LSM14A: variants seen among roughly 807,000 people sequenced by gnomAD.
LSM14A encodes protein LSM14 homolog A.
In LSM14A, 14 loss-of-function variants were observed where a neutral mutation model predicts 52.4. The ratio of observed to expected loss-of-function variants is 0.27; its 90% CI spans 0.18 to 0.42. LSM14A has a LOEUF of 0.42. Ranked by LOEUF, LSM14A falls within the 10% of genes least tolerant of loss-of-function variation. The pLI is 1.00. For missense variants in LSM14A, 417 were observed against 581.8 expected (o/e 0.72, Z 2.91); for synonymous variants, 185 against 200.3 (o/e 0.92, Z 0.64).
In LSM14A at chr19:34,187,277, GA is replaced by G. The variant is rs1181595654; in HGVS notation, c.122-7198del. On this transcript the variant is annotated intron_variant, in intron 1 of 9. Coordinates refer to ENST00000544216, the MANE Select transcript of LSM14A (RefSeq NM_015578.4). ...AAAAAAAAAAAAGTTCAGGCTTTGG[GA>G]AATTTTTTTTTTTTTCTTTTGAGAC... Among the ~76,000 whole-genome samples the G allele has an allele frequency of 2.0e-5, 3 of 151,590 alleles. No homozygotes were observed. The South Asian group carries it at 6.3e-4, about 32-fold the overall frequency.
chr19:34,215,739 T>C (rs1353435200), intron 6 of LSM14A, 78 bp downstream of exon 6: 6 of 1,046,018 alleles, frequency 5.7e-6, no homozygotes, highest in Non-Finnish European at 8.6e-6. Flanking sequence ...ACATAATTAC[T>C]ATAAAAAAAT....
chr19:34,218,032 C>G (rs2072789108), intron 6 of LSM14A, among the ~76,000 whole-genome samples: 1 of 137,354 alleles, frequency 7.3e-6, no homozygotes, highest in South Asian at 2.5e-4. Context: ...GAGATAGAAT[C>G]TCGCTCTGTC....
chr19:34,180,309 T>G (rs2069388629), intron 1 of LSM14A, among the ~76,000 whole-genome samples: 1 of 152,132 alleles, frequency 6.6e-6, no homozygotes, highest in Admixed American at 6.6e-5. Context: ...GGGTTTTTTG[T>G]TTGTTTGTTT....
chr19:34,216,029 A>G (rs865851263), intron 6 of LSM14A, among the ~76,000 whole-genome samples: 11 of 152,180 alleles, frequency 7.2e-5, no homozygotes, highest in African/African-American at 2.7e-4. Context: ...GAGTTTGGGA[A>G]GTTGGGTGAT....
rs573990319 is a variant in LSM14A at position 34,197,600 on chromosome 19, A to G, written c.415+837A>G. ...ATTACAGGTGTGCGCCACCACTCCCAGCCAATTTTTTTGTATTTTTAGTAG... is the reference window on the plus strand; with the variant it reads ...ATTACAGGTGTGCGCCACCACTCCCGGCCAATTTTTTTGTATTTTTAGTAG... On this transcript the variant is annotated intron_variant, in intron 3 of 9. Transcript: ENST00000544216. Among the ~76,000 whole-genome samples the G allele has an allele frequency of 2.1e-4, 32 of 150,316 alleles. 1 individual carries two copies. The highest frequency in any genetic ancestry group is 4.0e-4 in the Non-Finnish European group (27 of 67,594).
At chr19:34,207,495 C>T (rs986367585) in intron 3 of LSM14A, among the ~76,000 whole-genome samples, 1 of 151,934 alleles carries the variant, frequency 6.6e-6, no homozygotes, top group African/African-American at 2.4e-5. Flanking sequence ...CCAGTGGCTC[C>T]CCTTGTCTAA....
In LSM14A at chr19:34,219,490, A is replaced by G; in HGVS notation, c.881A>G (p.Lys294Arg). Residue 294 changes from lysine (K) to arginine (R), a missense_variant, in exon 7 of 10, where the codon AAA becomes AGA. Coordinates refer to ENST00000544216, the MANE Select transcript of LSM14A (RefSeq NM_015578.4). ...IRRDGPMKFE[K>R]DFDFESANAQ... ...CGAGATGGGCCAATGAAATTTGAGAAAGACTTTGACTTTGAAAGTGCAAAT... is the reference window on the plus strand; with the variant it reads ...CGAGATGGGCCAATGAAATTTGAGAGAGACTTTGACTTTGAAAGTGCAAAT... The G allele has an allele frequency of 1.2e-6, 2 of 1,614,004 alleles. No individual in the cohort carries two copies. The highest frequency in any genetic ancestry group is 1.1e-5 in the South Asian group (1 of 91,074).
At position 34,222,987 on chromosome 19, in the gene LSM14A, C is replaced by T. The variant is rs187399332; in HGVS notation, c.1368+1249C>T. ...CTCTGCAATATTTGACACTGACCAACCACCCAATTTGGGGTCTTTCTTCCT... is the reference window on the plus strand; with the variant it reads ...CTCTGCAATATTTGACACTGACCAATCACCCAATTTGGGGTCTTTCTTCCT... On this transcript the variant is annotated intron_variant, in intron 9 of 9. Coordinates refer to ENST00000544216, the MANE Select transcript of LSM14A (RefSeq NM_015578.4). Among the ~76,000 whole-genome samples, 26 of 152,310 alleles carry T rather than the reference C, an allele frequency of 1.7e-4. No homozygotes were observed. In the East Asian group the frequency reaches 5.0e-3, roughly 29 times the overall value.
chr19:34,210,429 C>T (rs1303911378), intron 4 of LSM14A, among the ~76,000 whole-genome samples: 2 of 152,014 alleles, frequency 1.3e-5, no homozygotes, highest in African/African-American at 4.8e-5. Context: ...GCCACCACGC[C>T]CAGCTCATTT....
intron 6 of LSM14A, among the ~76,000 whole-genome samples, chr19:34,217,885 A>T (rs2145854525): frequency 6.6e-6 from 1 of 151,322 alleles, no homozygotes; most frequent in East Asian, 2.0e-4. Context: ...ACTATCTTTC[A>T]TTGCCCTTCA....
intron 1 of LSM14A, among the ~76,000 whole-genome samples, chr19:34,187,969 A>G (rs905228528): frequency 6.6e-6 from 1 of 152,034 alleles, no homozygotes; most frequent in Non-Finnish European, 1.5e-5. Flanking sequence ...GAAATATAAA[A>G]TTGATTCTAT....
At chr19:34,185,163 C>T (rs2069800959) in intron 1 of LSM14A, among the ~76,000 whole-genome samples, 2 of 152,004 alleles carry the variant, frequency 1.3e-5, no homozygotes, top group South Asian at 2.1e-4. Flanking sequence ...GAGTTAAGTG[C>T]GAAGAAGTTG....
chr19:34,197,600 AG>A (rs958607116), intron 3 of LSM14A, among the ~76,000 whole-genome samples: 2 of 150,204 alleles, frequency 1.3e-5, no homozygotes, highest in Admixed American at 1.3e-4. Flanking sequence ...CACCACTCCC[AG>A]CCAATTTTTT....
intron 3 of LSM14A, among the ~76,000 whole-genome samples, chr19:34,204,341 A>T (rs2071525805): frequency 6.6e-6 from 1 of 152,206 alleles, no homozygotes; most frequent in Non-Finnish European, 1.5e-5. Context: ...AAAAATCCCC[A>T]GATAATTTGG....
chr19:34,199,290 A>G (rs1287139112), intron 3 of LSM14A, among the ~76,000 whole-genome samples: 1 of 151,890 alleles, frequency 6.6e-6, no homozygotes, highest in Non-Finnish European at 1.5e-5. Flanking sequence ...ACTCCCGGCT[A>G]GATTTTTCTT....
At chr19:34,219,324 G>A in intron 6 of LSM14A, 67 bp from the exon 7 acceptor site, 1 of 1,061,884 alleles carries the variant, frequency 9.4e-7, no homozygotes, top group East Asian at 2.5e-5. Flanking sequence ...GAGCACAATA[G>A]CAACATCTGT....
intron 1 of LSM14A, among the ~76,000 whole-genome samples, chr19:34,179,223 A>G (rs767539215): frequency 7.2e-5 from 11 of 152,230 alleles, no homozygotes; most frequent in Non-Finnish European, 1.3e-4. Flanking sequence ...TAGAAAAACA[A>G]GTAAATTGTT....
At chr19:34,178,732 A>G (rs1458531925) in intron 1 of LSM14A, among the ~76,000 whole-genome samples, 3 of 152,218 alleles carry the variant, frequency 2.0e-5, no homozygotes, top group African/African-American at 7.2e-5. Flanking sequence ...ATGCTTTTCC[A>G]TGTTCACAAT....
chr19:34,180,318 T>C (rs1375124504), intron 1 of LSM14A, among the ~76,000 whole-genome samples: 1 of 152,188 alleles, frequency 6.6e-6, no homozygotes, highest in Non-Finnish European at 1.5e-5. Flanking sequence ...GTTTGTTTGT[T>C]TTTTTCTGGA....
Sources: allele counts gnomAD v4.1 joint callset (sites outside exome capture counted in the v4.1 genomes callset), GRCh38; gene constraint gnomAD v4.1.1; transcripts MANE v1.5; gene names NCBI Gene and HGNC (gene_info 2026-07-23, HGNC 2026-07-21).